CTTNBP2NL: variants seen among roughly 807,000 people sequenced by gnomAD.
CTTNBP2NL encodes CTTNBP2 N-terminal-like protein.
Under a neutral mutation model 32.5 loss-of-function variants are expected in CTTNBP2NL, and 16 were observed. The ratio of observed to expected loss-of-function variants is 0.49; its 90% CI spans 0.33 to 0.75. CTTNBP2NL has a LOEUF of 0.75. Ranked by LOEUF, CTTNBP2NL falls within the 30% of genes least tolerant of loss-of-function variation. The pLI, the probability that CTTNBP2NL is intolerant of heterozygous loss-of-function variation, is 0.02. For missense variants in CTTNBP2NL, 645 were observed against 756.0 expected, an observed-to-expected ratio of 0.85 and a Z score of 1.72; for synonymous variants, 298 against 289.4, an observed-to-expected ratio of 1.03 and a Z score of -0.30.
chr1:112,448,679 G>A (rs1301143065), intron 3 of CTTNBP2NL, among the ~76,000 whole-genome samples: 1 of 151,970 alleles, frequency 6.6e-6, no homozygotes, highest in East Asian at 1.9e-4. Flanking sequence ...TACCTTACAG[G>A]GTTGTAAATT....
intron 3 of CTTNBP2NL, among the ~76,000 whole-genome samples, chr1:112,430,167 CTTTCTTTTCTTTTCTTTTCTTTTCT>C (rs202124796): frequency 3.1e-4 from 44 of 143,964 alleles, no homozygotes; most frequent in African/African-American, 9.2e-4. Flanking sequence ...TAGCTCTTTT[CTTTCTTTTCTTTTCTTTTCTTTTCT>C]TTTCTTTTCT....
upstream of CTTNBP2NL, among the ~76,000 whole-genome samples, chr1:112,392,363 C>T (rs115837216): frequency 5.1e-3 from 773 of 152,264 alleles, 6 homozygotes; most frequent in African/African-American, 0.018. Context: ...AATTTGATAG[C>T]TTGATTAATG....
chr1:112,425,675 G>A (rs1649372259), intron 3 of CTTNBP2NL, among the ~76,000 whole-genome samples: 1 of 151,146 alleles, frequency 6.6e-6, no homozygotes, highest in African/African-American at 2.4e-5. Context: ...ACCAGCATGG[G>A]CAACATGGTG....
chr1:112,398,108 C>G (rs1269635822), intron 1 of CTTNBP2NL, among the ~76,000 whole-genome samples: 1 of 152,050 alleles, frequency 6.6e-6, no homozygotes, highest in African/African-American at 2.4e-5. Flanking sequence ...AACAGAAAAT[C>G]CCAAAAAGAT....
intron 2 of CTTNBP2NL, chr1:112,414,746 A>G (rs997325348): frequency 4.6e-5 from 7 of 152,220 alleles, no homozygotes; most frequent in African/African-American, 1.7e-4. Flanking sequence ...TTGTATCTTT[A>G]TGTGGTTTGT....
intron 3 of CTTNBP2NL, among the ~76,000 whole-genome samples, chr1:112,426,093 C>T (rs1468227025): frequency 6.6e-6 from 1 of 151,622 alleles, no homozygotes; most frequent in African/African-American, 2.4e-5. Flanking sequence ...AGAAAGCCTT[C>T]AGTCTGTCAA....
Position 112,456,089 on chromosome 1 carries a change from G to T in CTTNBP2NL, c.597G>T (p.Lys199Asn), listed in dbSNP as rs747570789. Reference sequence around the variant, plus strand: ...ACAAGGCAGCCGAGGAAGGACAGAAGGCAGGAGAGCTGAGCCTGAAATTGG... The same window carrying T: ...ACAAGGCAGCCGAGGAAGGACAGAATGCAGGAGAGCTGAGCCTGAAATTGG... ...ATNKAAEEGQ[K>N]AGELSLKLEK... The change falls in exon 6 of 6, where the codon AAG (lysine) becomes AAT (asparagine). Residue 199 changes from lysine to asparagine, a missense_variant. Lys to Asn is a moderately conservative substitution (Grantham distance 94). Coordinates refer to ENST00000271277, the MANE Select transcript of CTTNBP2NL (RefSeq NM_018704.3). The T allele has an allele frequency of 2.2e-5, 35 of 1,614,072 alleles. No individual in the cohort carries two copies. In the South Asian group the frequency reaches 3.7e-4, roughly 17 times the overall value.
At position 112,456,899 on chromosome 1, in the gene CTTNBP2NL, A is replaced by C; in HGVS notation, c.1407A>C (p.Gln469His). The C allele has an allele frequency of 6.2e-7, 1 of 1,614,096 alleles. No individual in the cohort carries two copies. The highest frequency in any genetic ancestry group is 8.5e-7 in the Non-Finnish European group (1 of 1,180,018). Residue 469 changes from glutamine (Q) to histidine (H), a missense_variant, in exon 6 of 6, where the codon CAA becomes CAC. By Grantham distance (24) the Gln-to-His change is conservative. Transcript: ENST00000271277. ...CAGCTCGCCACAAATTTCAGTCCCA[A>C]GCAGATCAGGACCAACAAGCCAGTG... is the stretch of plus-strand genomic sequence containing the variant. ...FHAARHKFQS[Q>H]ADQDQQASGL...
chr1:112,456,802 T>C lies in CTTNBP2NL; in HGVS notation c.1310T>C (p.Leu437Ser). ...TCTTCGCCGGTACTCACTAAGCGTT[T>C]ATTGGGGTCATCAGCTAGCAGCCCT... ...PCSSPVLTKR[L>S]LGSSASSPGY... The change falls in exon 6 of 6, where the codon TTA becomes TCA. Residue 437 changes from leucine (L) to serine (S), a missense_variant. Leu to Ser is a moderately radical substitution (Grantham distance 145, BLOSUM62 -2). Coordinates refer to ENST00000271277, the MANE Select transcript of CTTNBP2NL (RefSeq NM_018704.3). 2 of 1,614,074 alleles carry C rather than the reference T, an allele frequency of 1.2e-6. No homozygotes were observed. The highest frequency in any genetic ancestry group is 1.7e-6 in the Non-Finnish European group (2 of 1,180,040).
Position 112,441,148 on chromosome 1 carries a change from TC to T in CTTNBP2NL, c.100-7793del, listed in dbSNP as rs1649880311. Among the ~76,000 whole-genome samples, 3 of 152,330 alleles carry T rather than the reference TC, an allele frequency of 2.0e-5. No homozygotes were observed. The South Asian group carries it at 6.2e-4, about 32-fold the overall frequency. ...CACATCCACATAACCCACACTCCTA[TC>T]AAGACACAGAACATTCTTATCACAC... On this transcript the variant is annotated intron_variant, in intron 3 of 5. Transcript: ENST00000271277.
chr1:112,459,052 T>A lies in CTTNBP2NL; in HGVS notation c.*1640T>A, dbSNP rs1471542186. 1 of 152,192 alleles carries A rather than the reference T, an allele frequency of 6.6e-6. No homozygotes were observed. Among genetic ancestry groups the A allele is most frequent in the East Asian group, 1.9e-4 (1 of 5,196 alleles). 9.4% of individuals were successfully genotyped at this position (152,192 alleles called of 1,614,324 possible). A position where few individuals can be genotyped will look rare whatever the true frequency, so the allele number is the denominator to read the frequency against. On this transcript the variant is annotated 3_prime_UTR_variant, in exon 6 of 6. Transcript: ENST00000271277. ...TCTTCACATTTTTTGAAATCCAAATTTTCATGAGAAACATTCTCATTTTTA... is the reference window on the plus strand; with the variant it reads ...TCTTCACATTTTTTGAAATCCAAATATTCATGAGAAACATTCTCATTTTTA...
chr1:112,426,811 G>A (rs1649418950), intron 3 of CTTNBP2NL, among the ~76,000 whole-genome samples: 1 of 151,826 alleles, frequency 6.6e-6, no homozygotes, highest in African/African-American at 2.4e-5. Context: ...TCACCATATT[G>A]GCCAGACTAG....
At position 112,442,981 on chromosome 1, in the gene CTTNBP2NL, C is replaced by T. The variant is rs114414185; in HGVS notation, c.100-5961C>T. ...CTGGTATTACAGACATGAGCCACTG[C>T]GCCCAGCCTGTTTACTCATATTCTT... On this transcript the variant is annotated intron_variant, in intron 3 of 5. Transcript: ENST00000271277. Among the ~76,000 whole-genome samples the T allele has an allele frequency of 2.8e-3, 429 of 152,308 alleles. 3 individuals carry two copies. Among genetic ancestry groups the T allele is most frequent in the African/African-American group, 9.6e-3 (399 of 41,570 alleles).
chr1:112,392,901 A>C (rs1453310283), upstream of CTTNBP2NL, among the ~76,000 whole-genome samples: 1 of 152,056 alleles, frequency 6.6e-6, no homozygotes, highest in Non-Finnish European at 1.5e-5. Context: ...TTTGTTGCCC[A>C]GGGTGGAGTG....
At chr1:112,452,335 C>CTTCTTTTTTTTTTTTTGTTTTT (rs1553227272) in intron 4 of CTTNBP2NL, among the ~76,000 whole-genome samples, 1 of 65,688 alleles carries the variant, frequency 1.5e-5, no homozygotes, top group African/African-American at 6.1e-5. Flanking sequence ...CCAGTCTCTT[C>CTTCTTTTTTTTTTTTTGTTTTT]TTTTTTTTTT....
rs1219056236 is a variant in CTTNBP2NL at position 112,458,338 on chromosome 1, A to T, written c.*926A>T. 1 of 152,658 alleles carries T rather than the reference A, an allele frequency of 6.6e-6. No homozygotes were observed. Among genetic ancestry groups the T allele is most frequent in the Non-Finnish European group, 1.5e-5 (1 of 68,040 alleles). The allele number at this position is 152,658 out of a possible 1,614,324, so 9.5% of individuals were successfully genotyped here. A position where few individuals can be genotyped will look rare whatever the true frequency, so the allele number is the denominator to read the frequency against. ...GTAATATTATAGGTCAGTCAGAATT[A>T]TACAAGTTTTACCAAATTGTTACAC... On this transcript the variant is annotated 3_prime_UTR_variant, in exon 6 of 6. Coordinates refer to ENST00000271277, the MANE Select transcript of CTTNBP2NL (RefSeq NM_018704.3).
chr1:112,438,638 G>T (rs1649808767), intron 3 of CTTNBP2NL, among the ~76,000 whole-genome samples: 1 of 152,166 alleles, frequency 6.6e-6, no homozygotes, highest in Non-Finnish European at 1.5e-5. Context: ...CCTTTTGCCA[G>T]CTTTCAAGGG....
intron 1 of CTTNBP2NL, among the ~76,000 whole-genome samples, chr1:112,406,281 T>A (rs569814940): frequency 6.6e-6 from 1 of 152,192 alleles, no homozygotes; most frequent in Non-Finnish European, 1.5e-5. Context: ...GAGTGCTGAA[T>A]TAGATTATTG....
intron 1 of CTTNBP2NL, among the ~76,000 whole-genome samples, chr1:112,408,828 T>C (rs1301439787): frequency 6.6e-6 from 1 of 152,088 alleles, no homozygotes; most frequent in Admixed American, 6.6e-5. Flanking sequence ...CTTATATGTA[T>C]TGAAAGAGTA....
Sources: allele counts gnomAD v4.1 joint callset (sites outside exome capture counted in the v4.1 genomes callset), GRCh38; gene constraint gnomAD v4.1.1; transcripts MANE v1.5; gene names NCBI Gene and HGNC (gene_info 2026-07-23, HGNC 2026-07-21).